Variants in TPX2 observed in about 807,000 individuals in gnomAD.
TPX2 encodes TPX2 microtubule nucleation factor, also known as targeting protein for Xklp2.
In TPX2, 21 loss-of-function variants were observed where a neutral mutation model predicts 93.6. That is an observed-to-expected ratio of 0.22 (90% CI 0.16 to 0.32). The LOEUF is 0.32. Among genes scored for constraint, TPX2 ranks in the 10% least tolerant of loss-of-function variants. The pLI is 1.00. For synonymous variants in TPX2, 281 were observed against 298.3 expected (o/e 0.94, Z 0.60); for missense variants, 776 against 871.1 (o/e 0.89, Z 1.37).
At chr20:31,766,454 GGTGT>G (rs35700111) in intron 4 of TPX2, 98 bp from the exon 5 acceptor site, 26,056 of 706,472 alleles carry the variant, frequency 0.037, 128 homozygotes, top group Admixed American at 0.12. Context: ...GCTTAGACAG[GGTGT>G]GTGTGTGTGT....
chr20:31,778,954 T>C lies in TPX2; in HGVS notation c.1024T>C (p.Tyr342His). Residue 342 changes from tyrosine to histidine, a missense_variant, in exon 10 of 18, where the codon TAT becomes CAT. This residue lies in a region of TPX2 where 461 missense variants were observed against 551.2 expected (regional missense o/e 0.84). Coordinates refer to ENST00000300403, the MANE Select transcript of TPX2 (RefSeq NM_012112.5). ...EDFHKRTPNR[Y>H]HLRSKKDDIN... ...CTTCCATAAACGAACCCCTAACAGA[T>C]ATCATTTGAGGAGCAAGAAGGATGA... is the stretch of plus-strand genomic sequence containing the variant. The C allele has an allele frequency of 6.2e-7, 1 of 1,603,056 alleles. No individual in the cohort carries two copies. The highest frequency in any genetic ancestry group is 1.1e-5 in the South Asian group (1 of 88,742).
At chr20:31,798,911 CAACATGTGGTAT>C (rs2123103942) in intron 17 of TPX2, among the ~76,000 whole-genome samples, 1 of 152,308 alleles carries the variant, frequency 6.6e-6, no homozygotes, top group East Asian at 1.9e-4. Context: ...ATAAGGAGGA[CAACATGTGGTAT>C]AACCATGATG....
chr20:31,767,125 A>C (rs1204465553), intron 5 of TPX2, among the ~76,000 whole-genome samples: 2 of 152,016 alleles, frequency 1.3e-5, no homozygotes, highest in Non-Finnish European at 2.9e-5. Context: ...AAATCCTCAT[A>C]ATATGGGTTT....
chr20:31,775,835 CCT>C lies in TPX2; in HGVS notation c.609-27_609-26del, dbSNP rs574731900. 9.2e-4 allele frequency: 1,372 copies of C among 1,491,968 alleles called. 14 individuals carry two copies. In the African/African-American group the frequency reaches 0.017, roughly 19 times the overall value. The allele number at this position is 1,491,968 out of a possible 1,614,324, so 92.4% of individuals were successfully genotyped here. On this transcript the variant is annotated intron_variant, in intron 7 of 17. Coordinates refer to ENST00000300403, the MANE Select transcript of TPX2 (RefSeq NM_012112.5). ...GAGTCACTGGGTGCCTTTCTCCTCT[CCT>C]CTCTTCTCATTTACTGATTTTCTCT... is the stretch of plus-strand genomic sequence containing the variant.
At chr20:31,750,439 C>T (rs2061811970) in intron 2 of TPX2, among the ~76,000 whole-genome samples, 2 of 151,198 alleles carry the variant, frequency 1.3e-5, no homozygotes, top group African/African-American at 4.9e-5. Context: ...CAGGTGTGAG[C>T]CACCGTGCCC....
intron 4 of TPX2, among the ~76,000 whole-genome samples, chr20:31,764,059 A>C (rs2061908229): frequency 6.6e-6 from 1 of 151,864 alleles, no homozygotes; most frequent in South Asian, 2.1e-4. Flanking sequence ...ACACACACAT[A>C]CACACATATA....
At chr20:31,794,776 G>GTGTA (rs1408340933) in intron 15 of TPX2, among the ~76,000 whole-genome samples, 1 of 151,844 alleles carries the variant, frequency 6.6e-6, no homozygotes, top group Non-Finnish European at 1.5e-5. Context: ...GTGTGTGTGT[G>GTGTA]TGTGTGTGTG....
chr20:31,783,944 T>A (rs776141475), intron 12 of TPX2, 23 bp downstream of exon 12: 1 of 1,612,018 alleles, frequency 6.2e-7, no homozygotes, highest in Non-Finnish European at 8.5e-7. Flanking sequence ...CTATGTGTGC[T>A]GGCAGAAGTG....
At chr20:31,778,468 A>G (rs2062015304) in intron 9 of TPX2, among the ~76,000 whole-genome samples, 1 of 151,978 alleles carries the variant, frequency 6.6e-6, no homozygotes, top group African/African-American at 2.4e-5. Flanking sequence ...TTTTTTTTTA[A>G]AGTGGAGTTG....
chr20:31,771,824 G>A, intron 7 of TPX2, 142 bp downstream of exon 7: 1 of 844,542 alleles, frequency 1.2e-6, no homozygotes, highest in Non-Finnish European at 1.8e-6. Context: ...CATGTGTCCT[G>A]ATGGGTGCTC....
chr20:31,742,370 G>A (rs2061758243), intron 1 of TPX2, among the ~76,000 whole-genome samples, 171 bp from the exon 2 acceptor site: 1 of 151,934 alleles, frequency 6.6e-6, no homozygotes, highest in Non-Finnish European at 1.5e-5. Flanking sequence ...TAGAGATGGG[G>A]TTTCACCATG....
intron 14 of TPX2, 143 bp from the exon 15 acceptor site, chr20:31,794,259 T>C: frequency 2.4e-6 from 3 of 1,231,214 alleles, no homozygotes; most frequent in Admixed American, 2.8e-5. Context: ...AAGCCTAGAT[T>C]TCCTTTTGAA....
chr20:31,750,391 C>T (rs1027165947), intron 2 of TPX2, among the ~76,000 whole-genome samples: 14 of 151,952 alleles, frequency 9.2e-5, no homozygotes, highest in Admixed American at 3.9e-4. Flanking sequence ...TGACCTCAGG[C>T]GATCCGCCCG....
intron 17 of TPX2, 96 bp from the exon 18 acceptor site, chr20:31,800,874 C>T (rs2062166872): frequency 1.9e-6 from 2 of 1,057,882 alleles, no homozygotes; most frequent in Non-Finnish European, 2.9e-6. Context: ...ACCTGTAAAA[C>T]TCTACAAACA....
intron 2 of TPX2, among the ~76,000 whole-genome samples, chr20:31,752,808 G>T (rs1433169771): frequency 6.6e-6 from 1 of 151,998 alleles, no homozygotes; most frequent in Non-Finnish European, 1.5e-5. Flanking sequence ...TAGAGACGGG[G>T]TTTCACCATG....
chr20:31,795,247 C>A (rs2062130491), intron 15 of TPX2, among the ~76,000 whole-genome samples: 1 of 152,204 alleles, frequency 6.6e-6, no homozygotes, highest in Non-Finnish European at 1.5e-5. Flanking sequence ...GATTCTCCCA[C>A]CTCAGCCTCC....
At chr20:31,747,200 A>G (rs901776402) in intron 2 of TPX2, among the ~76,000 whole-genome samples, 3 of 152,126 alleles carry the variant, frequency 2.0e-5, no homozygotes, top group Non-Finnish European at 4.4e-5. Flanking sequence ...GGCTCACTGC[A>G]GCCTCCACCT....
chr20:31,771,717 AATGG>A (rs2061965731), intron 7 of TPX2, 35 bp downstream of exon 7: 1 of 1,584,200 alleles, frequency 6.3e-7, no homozygotes. Context: ...CTTTAGAATG[AATGG>A]TATAAAATTA....
At chr20:31,753,031 C>G (rs2061829207) in intron 2 of TPX2, among the ~76,000 whole-genome samples, 1 of 152,048 alleles carries the variant, frequency 6.6e-6, no homozygotes, top group Non-Finnish European at 1.5e-5. Context: ...GAACCACTGA[C>G]AAAAAGCTTA....
Sources: allele counts gnomAD v4.1 joint callset (sites outside exome capture counted in the v4.1 genomes callset), GRCh38; gene constraint gnomAD v4.1.1; regional missense constraint gnomAD v4.1.1; transcripts MANE v1.5; gene names NCBI Gene and HGNC (gene_info 2026-07-23, HGNC 2026-07-21).